SLIT1: variants seen among roughly 807,000 people sequenced by gnomAD.
The protein encoded by SLIT1 is slit guidance ligand 1, also known as slit homolog 1 protein.
Under a neutral mutation model 186.1 loss-of-function variants are expected in SLIT1, and 66 were observed. The ratio of observed to expected loss-of-function variants is 0.35; its 90% CI spans 0.29 to 0.44. The LOEUF (loss-of-function observed/expected upper bound fraction) is 0.44, where lower values mean the gene tolerates loss of function less well. Among genes scored for constraint, SLIT1 ranks in the 20% least tolerant of loss-of-function variants. The pLI, the probability that SLIT1 is intolerant of heterozygous loss-of-function variation, is 1.00. For synonymous variants in SLIT1, 761 were observed against 833.8 expected, an observed-to-expected ratio of 0.91 and a Z score of 1.50; for missense variants, 1,638 against 2,037.4, an observed-to-expected ratio of 0.80 and a Z score of 3.77.
intron 24 of SLIT1, 35 bp downstream of exon 24, chr10:97,031,571 G>A: frequency 1.3e-6 from 2 of 1,529,710 alleles, no homozygotes; most frequent in Non-Finnish European, 1.8e-6. Context: ...CAGTGGGGTG[G>A]ATTTTCTGGC....
At chr10:97,122,617 C>A (rs902474) in intron 4 of SLIT1, among the ~76,000 whole-genome samples, 1 of 151,910 alleles carries the variant, frequency 6.6e-6, no homozygotes, top group Non-Finnish European at 1.5e-5. Flanking sequence ...GGTACATACT[C>A]CGGGCCAAGA....
chr10:97,084,203 C>T (rs1030852624), intron 4 of SLIT1, among the ~76,000 whole-genome samples: 10 of 152,186 alleles, frequency 6.6e-5, no homozygotes, highest in African/African-American at 2.4e-4. Context: ...CCAATTTGGC[C>T]CAACTCCTGC....
intron 6 of SLIT1, among the ~76,000 whole-genome samples, chr10:97,064,551 G>A (rs994706246): frequency 1.6e-4 from 25 of 152,164 alleles, no homozygotes; most frequent in African/African-American, 5.8e-4. Context: ...TGGATAGGTA[G>A]GGAGAAAGGG....
rs768196160 is a variant in SLIT1, at chr10:97,049,131, G to A, written c.1302-13C>T. On this transcript the variant is annotated splice_polypyrimidine_tract_variant and intron_variant, in intron 13 of 36. Transcript: ENST00000266058. ...CTGCGCCAGGTGCCTGTCCAAAGCA[G>A]GCAGATCAGCTATGAGAAACAAGGG... The A allele has an allele frequency of 6.2e-7, 1 of 1,610,698 alleles. No individual in the cohort carries two copies. Among genetic ancestry groups the A allele is most frequent in the South Asian group, 1.1e-5 (1 of 90,872 alleles).
intron 4 of SLIT1, among the ~76,000 whole-genome samples, chr10:97,130,166 C>A (rs1037635046): frequency 6.6e-6 from 1 of 152,186 alleles, no homozygotes; most frequent in Non-Finnish European, 1.5e-5. Flanking sequence ...TGCTCAGATA[C>A]AGGGATTTAC....
Position 97,006,618 on chromosome 10 carries a change from C to T in SLIT1, c.3444G>A (p.Arg1148=), listed in dbSNP as rs775068515. Residue 1148 remains arginine, a synonymous_variant, in exon 32 of 37, where the codon AGG becomes AGA. Coordinates refer to ENST00000266058, the MANE Select transcript of SLIT1 (RefSeq NM_003061.3). The surrounding 1 kb of genome is among the most constrained non-coding windows in gnomAD (Gnocchi z 4.0). ...NGANCVDQGN[R]PVCQCLPGFG... The stretch of plus-strand genomic sequence containing the variant: ...AGCCTGGGAGGCACTGGCACACAGG[C>T]CTGTTGCCCTGGTCCACACAGTTGG... 1.2e-6 allele frequency: 2 copies of T among 1,614,228 alleles called. No individual in the cohort carries two copies. Among genetic ancestry groups the T allele is most frequent in the South Asian group, 2.2e-5 (2 of 91,092 alleles).
intron 4 of SLIT1, among the ~76,000 whole-genome samples, chr10:97,080,955 GCCA>G (rs764871883): frequency 3.3e-5 from 5 of 152,346 alleles, no homozygotes; most frequent in Non-Finnish European, 7.3e-5. Flanking sequence ...CAGGGTCAGT[GCCA>G]CCACCTACTA....
In SLIT1 at chr10:97,178,583, A is replaced by T. The variant is rs141982157; in HGVS notation, c.197+6895T>A. ...AGCCATGAAAGACATTATCAGAGCA[A>T]TTGATGAAAACTGAATGTGAATTCT... On this transcript the variant is annotated intron_variant, in intron 1 of 36. Transcript: ENST00000266058. 1.5e-3 allele frequency among the ~76,000 whole-genome samples: 225 copies of T among 152,348 alleles called. 2 individuals carry two copies. The highest frequency in any genetic ancestry group is 0.011 in the Admixed American group (169 of 15,300).
intron 4 of SLIT1, among the ~76,000 whole-genome samples, chr10:97,067,254 G>A (rs1424134599): frequency 6.6e-6 from 1 of 152,192 alleles, no homozygotes; most frequent in African/African-American, 2.4e-5. Flanking sequence ...CAAATCCTCA[G>A]CCTCAGTGAC....
chr10:97,130,487 G>A (rs1564683046), intron 4 of SLIT1, among the ~76,000 whole-genome samples: 1 of 152,186 alleles, frequency 6.6e-6, no homozygotes, highest in Non-Finnish European at 1.5e-5. Flanking sequence ...ATTATGCCTC[G>A]TGAAATAAGC....
chr10:97,138,656 T>TTC (rs1554853158), intron 4 of SLIT1, among the ~76,000 whole-genome samples: 36 of 151,916 alleles, frequency 2.4e-4, no homozygotes, highest in Admixed American at 2.4e-3. Context: ...ACTGTTTTTT[T>TTC]TTTTTTCTAG....
intron 13 of SLIT1, among the ~76,000 whole-genome samples, chr10:97,051,195 G>T (rs1315489803): frequency 2.0e-5 from 3 of 151,430 alleles, no homozygotes; most frequent in Non-Finnish European, 4.4e-5. Context: ...AGTCATTAGG[G>T]AAATGCAAAT....
chr10:97,021,169 G>T lies in SLIT1; in HGVS notation c.2746+81C>A. 1.4e-6 allele frequency: 2 copies of T among 1,412,652 alleles called. No homozygotes were observed. The highest frequency in any genetic ancestry group is 1.9e-6 in the Non-Finnish European group (2 of 1,032,608). The allele number at this position is 1,412,652 out of a possible 1,614,324, so 87.5% of individuals were successfully genotyped here. A position where few individuals can be genotyped will look rare whatever the true frequency, so the allele number is the denominator to read the frequency against. On this transcript the variant is annotated intron_variant, in intron 26 of 36. Coordinates refer to ENST00000266058, the MANE Select transcript of SLIT1 (RefSeq NM_003061.3). The surrounding 1 kb of genome is among the most constrained non-coding windows in gnomAD (Gnocchi z 4.5). ...CCCGCCCAGCGGTCACCACAGGGAC[G>T]CAGGCATGTTAGGAAGGCCCTGCAG...
intron 4 of SLIT1, among the ~76,000 whole-genome samples, chr10:97,138,656 T>C (rs76609802): frequency 0.019 from 2,950 of 152,032 alleles, 33 homozygotes; most frequent in South Asian, 0.049. Context: ...ACTGTTTTTT[T>C]TTTTTTCTAG....
chr10:97,014,125 G>T lies in SLIT1; in HGVS notation c.3003C>A (p.Thr1001=). ...CACAGTCATCTGTGTTCACCCCACA[G>T]GTTGGTCCTTCAAAGCCGGTGGGAC... ...CSCPTGFEGP[T]CGVNTDDCVD... The change falls in exon 29 of 37, where the codon ACC becomes ACA. Residue 1001 remains threonine (T), a synonymous_variant. Transcript: ENST00000266058. The T allele has an allele frequency of 6.2e-7, 1 of 1,614,074 alleles. No homozygotes were observed. The highest frequency in any genetic ancestry group is 1.1e-5 in the South Asian group (1 of 91,086).
At position 97,064,986 on chromosome 10, in the gene SLIT1, G is replaced by A. The variant is rs752695708; in HGVS notation, c.486-110C>T. 18 of 714,502 alleles carry A rather than the reference G, an allele frequency of 2.5e-5. 1 individual carries two copies. The highest frequency in any genetic ancestry group is 1.1e-4 in the African/African-American group (6 of 54,776). The allele number at this position is 714,502 out of a possible 1,614,324, so 44.3% of individuals were successfully genotyped here. Reference sequence around the variant, plus strand: ...ATTCAAAAGAGGTGCACCCCTAGCCGTTTGTTATGTGTATATGTGTCAATC... The same window carrying A: ...ATTCAAAAGAGGTGCACCCCTAGCCATTTGTTATGTGTATATGTGTCAATC... On this transcript the variant is annotated intron_variant, in intron 5 of 36. Coordinates refer to ENST00000266058, the MANE Select transcript of SLIT1 (RefSeq NM_003061.3).
intron 26 of SLIT1, 41 bp from the exon 27 acceptor site, chr10:97,019,148 G>C: frequency 2.5e-6 from 3 of 1,208,372 alleles, no homozygotes; most frequent in Non-Finnish European, 3.7e-6. Flanking sequence ...GGAGGGGTGG[G>C]CAGCACAGGG....
In SLIT1 at chr10:97,118,389, T is replaced by C. The variant is rs140221061; in HGVS notation, c.413+39429A>G. 8.7e-4 allele frequency among the ~76,000 whole-genome samples: 132 copies of C among 152,298 alleles called. 1 individual carries two copies. Among genetic ancestry groups the C allele is most frequent in the African/African-American group, 3.1e-3 (127 of 41,570 alleles). On this transcript the variant is annotated intron_variant, in intron 4 of 36. Coordinates refer to ENST00000266058, the MANE Select transcript of SLIT1 (RefSeq NM_003061.3). ...CTTGGCGCAGCAGGACTTGGGGCAC[T>C]GACCTAGCCATGGAGTTAGAGCCCA...
chr10:97,069,290 G>A (rs1213349797), intron 4 of SLIT1, among the ~76,000 whole-genome samples: 1 of 152,238 alleles, frequency 6.6e-6, no homozygotes, highest in Non-Finnish European at 1.5e-5. Context: ...CCTTGATGGA[G>A]TGCCCACAGG....
Sources: allele counts gnomAD v4.1 joint callset (sites outside exome capture counted in the v4.1 genomes callset), GRCh38; gene constraint gnomAD v4.1.1; non-coding constraint Gnocchi (gnomAD v3.1); transcripts MANE v1.5; gene names NCBI Gene and HGNC (gene_info 2026-07-23, HGNC 2026-07-21).